CTNNA3: variants seen among roughly 807,000 people sequenced by gnomAD.
CTNNA3 encodes catenin alpha 3.
CTNNA3 carries 76 observed loss-of-function variants against 95.7 expected under a neutral mutation model. The ratio of observed to expected loss-of-function variants is 0.79; its 90% CI spans 0.66 to 0.96. The LOEUF (loss-of-function observed/expected upper bound fraction) is 0.96, where lower values mean the gene tolerates loss of function less well. Ranked by LOEUF, CTNNA3 falls within the 40% of genes least tolerant of loss-of-function variation. The probability of loss-of-function intolerance (pLI) is 0.00; values close to 1 mark genes in which losing one functional copy is unlikely to be tolerated. For missense variants in CTNNA3, 1,191 were observed against 1,089.8 expected (o/e 1.09, Z -1.31); for synonymous variants, 431 against 374.4 (o/e 1.15, Z -1.74).
intron 9 of CTNNA3, among the ~76,000 whole-genome samples, chr10:66,763,373 GAA>G (rs1839697605): frequency 6.6e-6 from 1 of 151,454 alleles, no homozygotes; most frequent in Non-Finnish European, 1.5e-5. Context: ...GAGAAAGAGA[GAA>G]AGAGAGAGAG....
At position 67,420,785 on chromosome 10, in the gene CTNNA3, G is replaced by C. The variant is rs527529655; in HGVS notation, c.579+101057C>G. Among the ~76,000 whole-genome samples the C allele has an allele frequency of 3.3e-5, 5 of 152,100 alleles. No individual in the cohort carries two copies. The South Asian group carries it at 8.3e-4, about 25-fold the overall frequency. ...TTTATTTATTTTCTTAGAGCACAAAGTATTGTTATACGATATTAAACCAAA... is the reference window on the plus strand; with the variant it reads ...TTTATTTATTTTCTTAGAGCACAAACTATTGTTATACGATATTAAACCAAA... On this transcript the variant is annotated intron_variant, in intron 5 of 17. Coordinates refer to ENST00000433211, the MANE Select transcript of CTNNA3 (RefSeq NM_013266.4).
At chr10:67,086,178 G>A (rs541455901) in intron 7 of CTNNA3, among the ~76,000 whole-genome samples, 1 of 152,082 alleles carries the variant, frequency 6.6e-6, no homozygotes, top group East Asian at 1.9e-4. Flanking sequence ...TCATACTTAT[G>A]TGGATATAAA....
At chr10:66,226,259 C>A (rs920924255) in intron 13 of CTNNA3, among the ~76,000 whole-genome samples, 14 of 152,198 alleles carry the variant, frequency 9.2e-5, no homozygotes, top group African/African-American at 3.4e-4. Context: ...TAGTTTCATT[C>A]TTCCACCTAC....
intron 7 of CTNNA3, among the ~76,000 whole-genome samples, chr10:67,106,989 T>C (rs1858672175): frequency 6.6e-6 from 1 of 152,160 alleles, no homozygotes; most frequent in African/African-American, 2.4e-5. Flanking sequence ...CCTGCAATCA[T>C]AAACAGCAGT....
intron 4 of CTNNA3, among the ~76,000 whole-genome samples, chr10:67,536,543 G>C (rs952108868): frequency 6.6e-6 from 1 of 152,084 alleles, no homozygotes; most frequent in Non-Finnish European, 1.5e-5. Flanking sequence ...TGATTCTTTT[G>C]ATTCCAAGTA....
chr10:67,290,767 A>C (rs1839804470), intron 5 of CTNNA3, among the ~76,000 whole-genome samples: 1 of 152,198 alleles, frequency 6.6e-6, no homozygotes, highest in African/African-American at 2.4e-5. Context: ...GCAAATTGTT[A>C]ACAAATATGT....
chr10:66,133,477 C>A, intron 13 of CTNNA3, among the ~76,000 whole-genome samples: 1 of 150,268 alleles, frequency 6.7e-6, no homozygotes, highest in East Asian at 2.0e-4. Flanking sequence ...CACGCCATTG[C>A]ACTACAGCCT....
chr10:67,256,102 T>C (rs1287603409), intron 5 of CTNNA3, among the ~76,000 whole-genome samples: 1 of 152,174 alleles, frequency 6.6e-6, no homozygotes, highest in Non-Finnish European at 1.5e-5. Flanking sequence ...ATTTTCTCTA[T>C]CACCAAACTG....
intron 10 of CTNNA3, among the ~76,000 whole-genome samples, chr10:66,537,249 A>ATT (rs989584141): frequency 4.6e-5 from 7 of 152,146 alleles, no homozygotes; most frequent in African/African-American, 1.7e-4. Context: ...AACTTAAACA[A>ATT]GTCATAGAAA....
chr10:65,971,708 C>T lies in CTNNA3; in HGVS notation c.2266-4962G>A, dbSNP rs967024152. Among the ~76,000 whole-genome samples the T allele has an allele frequency of 2.6e-5, 4 of 151,448 alleles. No homozygotes were observed. In the South Asian group the frequency reaches 8.3e-4, roughly 31 times the overall value. ...CCACCACCAACAACAACAAAAAGAG[C>T]CCCAGCCAAATTCTACCAAACATAC... On this transcript the variant is annotated intron_variant, in intron 16 of 17. Coordinates refer to ENST00000433211, the MANE Select transcript of CTNNA3 (RefSeq NM_013266.4).
At chr10:66,061,650 T>C (rs2080201613) in intron 15 of CTNNA3, among the ~76,000 whole-genome samples, 1 of 152,062 alleles carries the variant, frequency 6.6e-6, no homozygotes, top group Non-Finnish European at 1.5e-5. Flanking sequence ...TTAATTTCCT[T>C]CTTTTTCATA....
intron 5 of CTNNA3, among the ~76,000 whole-genome samples, chr10:67,422,468 C>T (rs1381889771): frequency 6.6e-6 from 1 of 152,080 alleles, no homozygotes; most frequent in East Asian, 1.9e-4. Flanking sequence ...TACTATTTCT[C>T]CAACTTTTTT....
At chr10:66,865,474 GT>G (rs58926229) in intron 7 of CTNNA3, among the ~76,000 whole-genome samples, 4,920 of 151,948 alleles carry the variant, frequency 0.032, 121 homozygotes, top group African/African-American at 0.063. Flanking sequence ...TCATTAATGT[GT>G]TTTTTCTTGC....
chr10:66,894,667 GA>G (rs1488427317), intron 7 of CTNNA3, among the ~76,000 whole-genome samples: 1 of 151,848 alleles, frequency 6.6e-6, no homozygotes, highest in Non-Finnish European at 1.5e-5. Flanking sequence ...ATATTTGTGT[GA>G]ATGTATATTT....
chr10:67,411,725 T>C (rs1845373858), intron 5 of CTNNA3, among the ~76,000 whole-genome samples: 1 of 152,120 alleles, frequency 6.6e-6, no homozygotes, highest in Non-Finnish European at 1.5e-5. Flanking sequence ...TCCTTTTTTG[T>C]GGGAGTGTCA....
chr10:66,236,699 C>T (rs1026156668), intron 13 of CTNNA3, among the ~76,000 whole-genome samples: 2 of 152,026 alleles, frequency 1.3e-5, no homozygotes, highest in African/African-American at 4.8e-5. Context: ...ACAGGAGATA[C>T]AAAGAAAAAA....
chr10:67,173,318 C>T (rs955468852), intron 7 of CTNNA3, among the ~76,000 whole-genome samples: 1 of 152,094 alleles, frequency 6.6e-6, no homozygotes, highest in African/African-American at 2.4e-5. Context: ...AGTTACAGAG[C>T]TCCTGGGATG....
intron 16 of CTNNA3, among the ~76,000 whole-genome samples, chr10:65,978,213 G>C (rs1049946501): frequency 2.6e-5 from 4 of 151,888 alleles, no homozygotes; most frequent in Admixed American, 2.6e-4. Flanking sequence ...TCTAAGAACT[G>C]TTTTCAACTC....
chr10:67,559,809 A>G lies in CTNNA3; in HGVS notation c.293-20140T>C, dbSNP rs1841421337. Among the ~76,000 whole-genome samples, 3 of 152,260 alleles carry G rather than the reference A, an allele frequency of 2.0e-5. 1 individual carries two copies. Among genetic ancestry groups the G allele is most frequent in the Admixed American group, 2.0e-4 (3 of 15,286 alleles). On this transcript the variant is annotated intron_variant, in intron 3 of 17. Transcript: ENST00000433211. ...GTGCTTAAAGGAGCTAATGGAGCTG[A>G]AAACCAAGGTTCGAGAATTACGTGA...
Sources: allele counts gnomAD v4.1 joint callset (sites outside exome capture counted in the v4.1 genomes callset), GRCh38; gene constraint gnomAD v4.1.1; transcripts MANE v1.5; gene names NCBI Gene and HGNC (gene_info 2026-07-23, HGNC 2026-07-21).